PTPRD: variants seen among roughly 807,000 people sequenced by gnomAD.
PTPRD encodes receptor-type tyrosine-protein phosphatase delta.
In PTPRD, 34 loss-of-function variants were observed where a neutral mutation model predicts 214.5. The observed-to-expected ratio is 0.16, with a 90% CI of 0.12 to 0.21. The LOEUF is 0.21. PTPRD is among the 10% of genes least tolerant of loss of function. The pLI is 1.00. For missense variants in PTPRD, 2,545 were observed against 2,398.7 expected (o/e 1.06, Z -1.27); for synonymous variants, 1,128 against 845.7 (o/e 1.33, Z -5.79).
intron 9 of PTPRD, among the ~76,000 whole-genome samples, chr9:9,206,424 G>T (rs1369868087): frequency 2.0e-5 from 3 of 152,186 alleles, no homozygotes; most frequent in African/African-American, 4.8e-5. Context: ...AGAGAAATCA[G>T]TTAGGAGGGT....
chr9:10,023,785 A>T lies in PTPRD; in HGVS notation c.-472+9933T>A, dbSNP rs552105463. Among the ~76,000 whole-genome samples, 68 of 152,170 alleles carry T rather than the reference A, an allele frequency of 4.5e-4. 1 individual carries two copies. In the South Asian group the frequency reaches 0.014, roughly 31 times the overall value. On this transcript the variant is annotated intron_variant, in intron 4 of 45. Coordinates refer to ENST00000381196, the MANE Select transcript of PTPRD (RefSeq NM_002839.4). The stretch of plus-strand genomic sequence containing the variant: ...AAAAAAAAAAGCTTTGGGAAAAAAA[A>T]CTTCATTTAATAAAGGTTTAATAAA...
intron 5 of PTPRD, among the ~76,000 whole-genome samples, chr9:9,872,272 T>G (rs920402925): frequency 1.3e-5 from 2 of 152,146 alleles, no homozygotes; most frequent in Non-Finnish European, 2.9e-5. Context: ...AGGATCCATG[T>G]CACCCTGGGC....
chr9:10,058,123 T>C (rs1222182565), intron 3 of PTPRD, among the ~76,000 whole-genome samples: 3 of 152,082 alleles, frequency 2.0e-5, no homozygotes, highest in African/African-American at 7.2e-5. Flanking sequence ...CAACACCCTT[T>C]CTCTCCTGTG....
At chr9:8,873,360 G>C (rs1016657558) in intron 11 of PTPRD, among the ~76,000 whole-genome samples, 1 of 152,082 alleles carries the variant, frequency 6.6e-6, no homozygotes, top group Non-Finnish European at 1.5e-5. Flanking sequence ...GTTGTATGTG[G>C]TTGTTTTAAT....
chr9:8,380,835 G>A (rs1391094898), intron 37 of PTPRD, among the ~76,000 whole-genome samples: 2 of 152,082 alleles, frequency 1.3e-5, no homozygotes, highest in Non-Finnish European at 2.9e-5. Context: ...GGCACTTAAT[G>A]AGCGGTAGCC....
Position 8,486,080 on chromosome 9 carries a change from T to G in PTPRD, c.2737A>C (p.Ile913Leu). The G allele has an allele frequency of 6.8e-6, 11 of 1,614,220 alleles. No homozygotes were observed. Among genetic ancestry groups the G allele is most frequent in the Non-Finnish European group, 9.3e-6 (11 of 1,180,026 alleles). Residue 913 changes from isoleucine (I) to leucine (L), a missense_variant, in exon 28 of 46, where the codon ATT becomes CTT. Ile to Leu is a conservative substitution (Grantham distance 5). Transcript: ENST00000381196. The stretch of plus-strand genomic sequence containing the variant: ...AATCCAGTTGGTACTTCTTCTGGAA[T>G]GGAAATCTCCTTCACCATCTCCTCC... The part of the protein sequence containing the change: ...FGEEMVKEIS[I>L]PEEVPTGFPQ...
intron 3 of PTPRD, among the ~76,000 whole-genome samples, chr9:10,268,794 G>T (rs2475354): frequency 0.19 from 28,373 of 152,082 alleles, 2,768 homozygotes; most frequent in East Asian, 0.25. Flanking sequence ...CCTTTTCAAC[G>T]CTAAGTGATA....
At chr9:10,327,480 A>G (rs527534107) in intron 3 of PTPRD, among the ~76,000 whole-genome samples, 1 of 151,716 alleles carries the variant, frequency 6.6e-6, no homozygotes, top group African/African-American at 2.4e-5. Context: ...TGTGTGTACC[A>G]GAAAGATTTA....
intron 11 of PTPRD, among the ~76,000 whole-genome samples, chr9:8,837,173 AC>A (rs2097447652): frequency 6.6e-6 from 1 of 151,522 alleles, no homozygotes; most frequent in Admixed American, 6.6e-5. Flanking sequence ...TTACACCATG[AC>A]CAGCTAATTT....
intron 2 of PTPRD, among the ~76,000 whole-genome samples, chr9:10,510,296 CTGAT>C (rs1287800131): frequency 6.6e-6 from 1 of 152,042 alleles, no homozygotes; most frequent in Non-Finnish European, 1.5e-5. Context: ...CCTCGACAAT[CTGAT>C]TGATCTTTAC....
At chr9:10,369,961 A>C (rs1565595943) in intron 2 of PTPRD, among the ~76,000 whole-genome samples, 2 of 152,108 alleles carry the variant, frequency 1.3e-5, no homozygotes, top group Non-Finnish European at 2.9e-5. Context: ...CATTGTCCTA[A>C]TACTATACAT....
At position 10,523,144 on chromosome 9, in the gene PTPRD, G is replaced by T. The variant is rs1351952297; in HGVS notation, c.-600+89254C>A. ...AAATAAAATCAGAGTGGTAGGTCTT[G>T]CCAATTAGAACATTTGGGAAATATA... On this transcript the variant is annotated intron_variant, in intron 2 of 45. Coordinates refer to ENST00000381196, the MANE Select transcript of PTPRD (RefSeq NM_002839.4). Among the ~76,000 whole-genome samples the T allele has an allele frequency of 3.9e-5, 6 of 152,022 alleles. No individual in the cohort carries two copies. In the East Asian group the frequency reaches 5.8e-4, roughly 15 times the overall value.
intron 9 of PTPRD, among the ~76,000 whole-genome samples, chr9:9,283,548 T>C (rs546044561): frequency 3.3e-5 from 5 of 151,628 alleles, no homozygotes; most frequent in Admixed American, 3.3e-4. Context: ...TCACTAGTGA[T>C]AGAACAAATA....
chr9:9,486,150 CAAAAAAAAAAAAAAAAAA>C (rs71319226), intron 8 of PTPRD, among the ~76,000 whole-genome samples: 18 of 30,166 alleles, frequency 6.0e-4, no homozygotes, highest in South Asian at 2.1e-3. Context: ...GACTCTCTCT[CAAAAAAAAAAAAAAAAAA>C]AAAAAAAAAA....
intron 4 of PTPRD, among the ~76,000 whole-genome samples, chr9:9,987,980 AT>A (rs2095782069): frequency 6.6e-6 from 1 of 152,186 alleles, no homozygotes. Flanking sequence ...CAGCAGTTTC[AT>A]TATAATCGAG....
intron 7 of PTPRD, among the ~76,000 whole-genome samples, chr9:9,587,725 G>A (rs980031826): frequency 2.0e-5 from 3 of 151,882 alleles, no homozygotes; most frequent in African/African-American, 4.8e-5. Flanking sequence ...GATGGAGCTG[G>A]AGGTCATTAA....
rs2132429005 is a variant in PTPRD at position 8,341,156 on chromosome 9, C to T, written c.5060G>A (p.Cys1687Tyr). ...NIMPYESTRV[C>Y]LQPIRGVEGS... is the part of the protein sequence containing the mutation. Reference sequence around the variant, plus strand: ...TTCTACTCCACGGATAGGCTGCAGGCATACCCTTGTGGATTCATATGGCAT... The same window carrying T: ...TTCTACTCCACGGATAGGCTGCAGGTATACCCTTGTGGATTCATATGGCAT... The change falls in exon 41 of 46, where the codon TGC becomes TAC. Residue 1687 changes from cysteine to tyrosine, a missense_variant. Transcript: ENST00000381196. 4 of 1,613,134 alleles carry T rather than the reference C, an allele frequency of 2.5e-6. No homozygotes were observed. The highest frequency in any genetic ancestry group is 3.4e-6 in the Non-Finnish European group (4 of 1,179,490).
At position 9,462,382 on chromosome 9, in the gene PTPRD, C is replaced by T. The variant is rs572378363; in HGVS notation, c.-236-64900G>A. 2.6e-5 allele frequency among the ~76,000 whole-genome samples: 4 copies of T among 152,166 alleles called. No homozygotes were observed. In the South Asian group the frequency reaches 8.3e-4, roughly 32 times the overall value. The stretch of plus-strand genomic sequence containing the variant: ...TGTCATAGTCTTGGGTATTCATATT[C>T]ATGTATTTGTAACTAAAAGATTTTG... On this transcript the variant is annotated intron_variant, in intron 8 of 45. Transcript: ENST00000381196.
chr9:10,211,609 C>T (rs753859497), intron 3 of PTPRD, among the ~76,000 whole-genome samples: 2 of 152,132 alleles, frequency 1.3e-5, no homozygotes, highest in Non-Finnish European at 2.9e-5. Flanking sequence ...GTTAAAGATA[C>T]AATGAGCCCT....
Sources: allele counts gnomAD v4.1 joint callset (sites outside exome capture counted in the v4.1 genomes callset), GRCh38; gene constraint gnomAD v4.1.1; transcripts MANE v1.5; gene names NCBI Gene and HGNC (gene_info 2026-07-23, HGNC 2026-07-21).